SOX18: variants seen among roughly 807,000 people sequenced by gnomAD.
SOX18 encodes the protein transcription factor SOX-18.
SOX18 carries 2 observed loss-of-function variants against 9.1 expected under a neutral mutation model. The observed-to-expected ratio is 0.22, with a 90% CI of 0.09 to 0.69. SOX18 has a LOEUF of 0.69. SOX18 is among the 30% of genes least tolerant of loss of function. The pLI, the probability that SOX18 is intolerant of heterozygous loss-of-function variation, is 0.80. For missense variants in SOX18, 542 were observed against 567.3 expected (o/e 0.96, Z 0.45); for synonymous variants, 292 against 280.5 (o/e 1.04, Z -0.41).
chr20:64,048,361 G>T lies in SOX18; in HGVS notation c.960C>A (p.Ala320=). ...GGTCGAACTCGGTGAGGTCCACGTC[G>T]GCCCACAGATCGGCGGCGGGCCCCA... ...EPLGPAADLW[A]DVDLTEFDQY... The change falls in exon 2 of 2, where the codon GCC becomes GCA. Residue 320 remains alanine (A), a synonymous_variant. Transcript: ENST00000340356. The T allele has an allele frequency of 6.3e-7, 1 of 1,584,416 alleles. No homozygotes were observed.
In SOX18 at chr20:64,048,053, A is replaced by G; in HGVS notation, c.*113T>C. ...CATCACTGGCTCCTAGGGGGCTGTG[A>G]CATGGAACCAAACATACACGCGTAT... On this transcript the variant is annotated 3_prime_UTR_variant, in exon 2 of 2. Transcript: ENST00000340356. 1 of 1,083,820 alleles carries G rather than the reference A, an allele frequency of 9.2e-7. No homozygotes were observed. Among genetic ancestry groups the G allele is most frequent in the South Asian group, 1.4e-5 (1 of 73,970 alleles). 67.1% of individuals were successfully genotyped at this position (1,083,820 alleles called of 1,614,324 possible).
rs1220419704 is a variant in SOX18 at position 64,049,033 on chromosome 20, G to C, written c.359-71C>G. Reference sequence around the variant, plus strand: ...GGCGCCGAGCCCTCCGTGCGCCCGGGACGCCCCGCGAGGGTTTGGCGCAGC... The same window carrying C: ...GGCGCCGAGCCCTCCGTGCGCCCGGCACGCCCCGCGAGGGTTTGGCGCAGC... On this transcript the variant is annotated intron_variant, in intron 1 of 1. Transcript: ENST00000340356. The C allele has an allele frequency of 2.0e-6, 3 of 1,477,882 alleles. No homozygotes were observed. In the African/African-American group the frequency reaches 4.4e-5, roughly 22 times the overall value. The allele number at this position is 1,477,882 out of a possible 1,614,324, so 91.5% of individuals were successfully genotyped here.
At chr20:64,049,086 G>GGGCC in intron 1 of SOX18, 73 bp downstream of exon 1, 2 of 831,920 alleles carry the variant, frequency 2.4e-6, no homozygotes, top group Non-Finnish European at 3.1e-6. Context: ...CGGGACCCCT[G>GGGCC]CCCCCCCCGC....
rs765613247 is a variant in SOX18, at chr20:64,049,189, G to C, written c.328C>G (p.Leu110Val). ...ATCTTGCTGAGCACCGCGTTGTGCA[G>C]GTCCGGGTTCTGCTGAGCCAGCCGC... Reference protein sequence around the residue: ...RKRLAQQNPDLHNAVLSKMLG... With the variant: ...RKRLAQQNPDVHNAVLSKMLG... The change falls in exon 1 of 2, where the codon CTG becomes GTG. Residue 110 changes from leucine to valine, a missense_variant. Physicochemically the swap from Leu to Val is conservative, Grantham distance 32. Transcript: ENST00000340356. The C allele has an allele frequency of 1.3e-6, 2 of 1,509,608 alleles. No individual in the cohort carries two copies. The highest frequency in any genetic ancestry group is 1.8e-6 in the Non-Finnish European group (2 of 1,122,682). 93.5% of individuals were successfully genotyped at this position (1,509,608 alleles called of 1,614,324 possible).
chr20:64,049,195 G>A lies in SOX18; in HGVS notation c.322C>T (p.Pro108Ser). 1 of 1,516,716 alleles carries A rather than the reference G, an allele frequency of 6.6e-7. No homozygotes were observed. Among genetic ancestry groups the A allele is most frequent in the Non-Finnish European group, 8.9e-7 (1 of 1,126,250 alleles). The allele number at this position is 1,516,716 out of a possible 1,614,324, so 94.0% of individuals were successfully genotyped here. The stretch of plus-strand genomic sequence containing the variant: ...CTGAGCACCGCGTTGTGCAGGTCCG[G>A]GTTCTGCTGAGCCAGCCGCTTGCGC... ...DERKRLAQQN[P>S]DLHNAVLSKM... Residue 108 changes from proline to serine, a missense_variant, in exon 1 of 2, where the codon CCG becomes TCG. By Grantham distance (74) the Pro-to-Ser change is moderately conservative. Transcript: ENST00000340356.
In SOX18 at chr20:64,048,117, C is replaced by T. The variant is rs2059403330; in HGVS notation, c.*49G>A. ...GGCAGCGACGCGGTCGGATCGGTCG[C>T]GGGGGCTGCGGGAGGAAGCGCTGCA... On this transcript the variant is annotated 3_prime_UTR_variant, in exon 2 of 2. Coordinates refer to ENST00000340356, the MANE Select transcript of SOX18 (RefSeq NM_018419.3). The T allele has an allele frequency of 6.7e-7, 1 of 1,500,818 alleles. No homozygotes were observed. Among genetic ancestry groups the T allele is most frequent in the Non-Finnish European group, 9.0e-7 (1 of 1,116,646 alleles). The allele number at this position is 1,500,818 out of a possible 1,614,324, so 93.0% of individuals were successfully genotyped here.
In SOX18 at chr20:64,048,150, G is replaced by T. The variant is rs1244504244; in HGVS notation, c.*16C>A. 1 of 1,537,032 alleles carries T rather than the reference G, an allele frequency of 6.5e-7. No homozygotes were observed. Among genetic ancestry groups the T allele is most frequent in the Admixed American group, 2.0e-5 (1 of 51,150 alleles). ...GCGGGAGGAAGCGCTGCAGGGACCCGGGCGGCGCCGGCGGCCTAGCCGGAG... is the reference window on the plus strand; with the variant it reads ...GCGGGAGGAAGCGCTGCAGGGACCCTGGCGGCGCCGGCGGCCTAGCCGGAG... On this transcript the variant is annotated 3_prime_UTR_variant, in exon 2 of 2. Transcript: ENST00000340356.
In SOX18 at chr20:64,047,876, GCA is replaced by G; in HGVS notation, c.*288_*289del. On this transcript the variant is annotated 3_prime_UTR_variant, in exon 2 of 2. Transcript: ENST00000340356. The stretch of plus-strand genomic sequence containing the variant: ...CAGGTGCTTCAAAAATGTAACCCTG[GCA>G]ACTCTGCCAACAGGTCCTGGGCTCG... 1 of 513,878 alleles carries G rather than the reference GCA, an allele frequency of 1.9e-6. No individual in the cohort carries two copies. Among genetic ancestry groups the G allele is most frequent in the Non-Finnish European group, 3.5e-6 (1 of 289,464 alleles). 31.8% of individuals were successfully genotyped at this position (513,878 alleles called of 1,614,324 possible). A position where few individuals can be genotyped will look rare whatever the true frequency, so the allele number is the denominator to read the frequency against.
chr20:64,048,351 G>T lies in SOX18; in HGVS notation c.970C>A (p.Leu324Ile), dbSNP rs756297721. Residue 324 changes from leucine (L) to isoleucine (I), a missense_variant, in exon 2 of 2, where the codon CTC becomes ATC. By Grantham distance (5) the Leu-to-Ile change is conservative. Transcript: ENST00000340356. ...PAADLWADVD[L>I]TEFDQYLNCS... Reference sequence around the variant, plus strand: ...TTGAGGTACTGGTCGAACTCGGTGAGGTCCACGTCGGCCCACAGATCGGCG... The same window carrying T: ...TTGAGGTACTGGTCGAACTCGGTGATGTCCACGTCGGCCCACAGATCGGCG... The T allele has an allele frequency of 2.5e-6, 4 of 1,586,704 alleles. No individual in the cohort carries two copies. Among genetic ancestry groups the T allele is most frequent in the Non-Finnish European group, 3.4e-6 (4 of 1,168,672 alleles).
At chr20:64,048,984 G>T in intron 1 of SOX18, 22 bp from the exon 2 acceptor site, 1 of 1,569,350 alleles carries the variant, frequency 6.4e-7, no homozygotes, top group East Asian at 2.4e-5. Flanking sequence ...GGGCGCCAGT[G>T]AGTGGAACGC....
rs1216048232 is a variant in SOX18, at chr20:64,048,259, C to T, written c.1062G>A (p.Pro354=). 3 of 1,594,040 alleles carry T rather than the reference C, an allele frequency of 1.9e-6. No homozygotes were observed. Among genetic ancestry groups the T allele is most frequent in the East Asian group, 2.3e-5 (1 of 43,978 alleles). Residue 354 remains proline (P), a synonymous_variant, in exon 2 of 2, where the codon CCG becomes CCA. Coordinates refer to ENST00000340356, the MANE Select transcript of SOX18 (RefSeq NM_018419.3). ...TCTCCTCTGGGCAGGACATGGCGCG[C>T]GGGCCCAGTTTGGCCAGTGCCACGT... ...PYHVALAKLG[P]RAMSCPEESS...
rs1244504244 is a variant in SOX18 at position 64,048,150 on chromosome 20, G to A, written c.*16C>T. ...GCGGGAGGAAGCGCTGCAGGGACCC[G>A]GGCGGCGCCGGCGGCCTAGCCGGAG... On this transcript the variant is annotated 3_prime_UTR_variant, in exon 2 of 2. Transcript: ENST00000340356. 6 of 1,537,032 alleles carry A rather than the reference G, an allele frequency of 3.9e-6. No homozygotes were observed. The highest frequency in any genetic ancestry group is 5.2e-6 in the Non-Finnish European group (6 of 1,146,454).
Position 64,047,963 on chromosome 20 carries a change from C to G in SOX18, c.*203G>C. ...TCCAGGCACCCTCGCAGGGGCCCCC[C>G]GAGGGCAGGTGGCCCAGAAGCCCAG... On this transcript the variant is annotated 3_prime_UTR_variant, in exon 2 of 2. Coordinates refer to ENST00000340356, the MANE Select transcript of SOX18 (RefSeq NM_018419.3). 3.2e-6 allele frequency: 2 copies of G among 625,630 alleles called. No individual in the cohort carries two copies. Among genetic ancestry groups the G allele is most frequent in the Non-Finnish European group, 5.5e-6 (2 of 361,568 alleles). The allele number at this position is 625,630 out of a possible 1,614,324, so 38.8% of individuals were successfully genotyped here.
rs761449443 is a variant in SOX18 at position 64,048,410 on chromosome 20, G to A, written c.911C>T (p.Pro304Leu). ...CAGCGGCTCGGCGCTCTCCAGCGGC[G>A]GGGCCTCGGGCGGCGGCGACAGCGG... is the stretch of plus-strand genomic sequence containing the variant. ...PGPLSPPPEA[P>L]PLESAEPLGP... The change falls in exon 2 of 2, where the codon CCG becomes CTG. Residue 304 changes from proline to leucine, a missense_variant. Physicochemically the swap from Pro to Leu is moderately conservative, Grantham distance 98. Coordinates refer to ENST00000340356, the MANE Select transcript of SOX18 (RefSeq NM_018419.3). 2.7e-6 allele frequency: 4 copies of A among 1,493,830 alleles called. No individual in the cohort carries two copies. Among genetic ancestry groups the A allele is most frequent in the Non-Finnish European group, 3.5e-6 (4 of 1,126,812 alleles). 92.5% of individuals were successfully genotyped at this position (1,493,830 alleles called of 1,614,324 possible).
At chr20:64,049,036 G>A in intron 1 of SOX18, 74 bp from the exon 2 acceptor site, 3 of 1,471,312 alleles carry the variant, frequency 2.0e-6, no homozygotes, top group Non-Finnish European at 9.0e-7. Context: ...CGCCCGGGAC[G>A]CCCCGCGAGG....
Position 64,049,542 on chromosome 20 carries a change from A to C in SOX18, c.-26T>G. 2 of 1,035,144 alleles carry C rather than the reference A, an allele frequency of 1.9e-6. No individual in the cohort carries two copies. The highest frequency in any genetic ancestry group is 2.3e-6 in the Non-Finnish European group (2 of 860,570). 64.1% of individuals were successfully genotyped at this position (1,035,144 alleles called of 1,614,324 possible). A position where few individuals can be genotyped will look rare whatever the true frequency, so the allele number is the denominator to read the frequency against. ...TCCAGCTGGGCGCGGCCTGGGCGGA[A>C]CGGAGCGCGGGAGCGCGGCGGGCGG... On this transcript the variant is annotated 5_prime_UTR_variant, in exon 1 of 2. Coordinates refer to ENST00000340356, the MANE Select transcript of SOX18 (RefSeq NM_018419.3).
chr20:64,048,761 A>G lies in SOX18; in HGVS notation c.560T>C (p.Phe187Ser). 1 of 1,464,878 alleles carries G rather than the reference A, an allele frequency of 6.8e-7. No homozygotes were observed. Among genetic ancestry groups the G allele is most frequent in the Non-Finnish European group, 9.0e-7 (1 of 1,112,666 alleles). 90.7% of individuals were successfully genotyped at this position (1,464,878 alleles called of 1,614,324 possible). A position where few individuals can be genotyped will look rare whatever the true frequency, so the allele number is the denominator to read the frequency against. Residue 187 changes from phenylalanine to serine, a missense_variant, in exon 2 of 2, where the codon TTC becomes TCC. By Grantham distance (155) the Phe-to-Ser change is radical. Coordinates refer to ENST00000340356, the MANE Select transcript of SOX18 (RefSeq NM_018419.3). Reference sequence around the variant, plus strand: ...GCGAGCCGAGCCAGACGCCGCGGGGAAAGGCTCGGGCGGTGGCTGCGGGGG... The same window carrying G: ...GCGAGCCGAGCCAGACGCCGCGGGGGAAGGCTCGGGCGGTGGCTGCGGGGG... ...LAPPQPPPEP[F>S]PAASGSARAF...
rs759227611 is a variant in SOX18, at chr20:64,049,351, G to A, written c.166C>T (p.Arg56Cys). ...GGCTCGGGGCTGCGCGGGGGACTGC[G>A]CTGCGGGCTGGGCGGCGAGGCGGGC... is the stretch of plus-strand genomic sequence containing the variant. ...AAPASPPSPQ[R>C]SPPRSPEPGR... The change falls in exon 1 of 2, where the codon CGC (arginine) becomes TGC (cysteine). Residue 56 changes from arginine (R) to cysteine (C), a missense_variant. Arg to Cys is a radical substitution (Grantham distance 180). Transcript: ENST00000340356. The A allele has an allele frequency of 8.2e-6, 9 of 1,094,138 alleles. No homozygotes were observed. The highest frequency in any genetic ancestry group is 6.8e-5 in the African/African-American group (4 of 58,990). 67.8% of individuals were successfully genotyped at this position (1,094,138 alleles called of 1,614,324 possible).
rs1408026872 is a variant in SOX18, at chr20:64,049,093, C to G, written c.358+66G>C. On this transcript the variant is annotated intron_variant, in intron 1 of 1. Coordinates refer to ENST00000340356, the MANE Select transcript of SOX18 (RefSeq NM_018419.3). ...CCGCGGCCCGGGACCCCTGCCCCCC[C>G]CGCCCCACCCCGGCCCGAGCCCCCC... 16 of 951,848 alleles carry G rather than the reference C, an allele frequency of 1.7e-5. No homozygotes were observed. In the East Asian group the frequency reaches 4.5e-4, roughly 27 times the overall value. 59.0% of individuals were successfully genotyped at this position (951,848 alleles called of 1,614,324 possible). A position where few individuals can be genotyped will look rare whatever the true frequency, so the allele number is the denominator to read the frequency against.
Sources: allele counts gnomAD v4.1 joint callset, GRCh38; gene constraint gnomAD v4.1.1; transcripts MANE v1.5; gene names NCBI Gene and HGNC (gene_info 2026-07-23, HGNC 2026-07-21).